DLG2: variants seen among roughly 807,000 people sequenced by gnomAD.
The protein encoded by DLG2 is disks large homolog 2.
A neutral mutation model predicts 132.5 loss-of-function variants in DLG2; 45 were observed. That is an observed-to-expected ratio of 0.34 (90% CI 0.27 to 0.44). The LOEUF (loss-of-function observed/expected upper bound fraction) is 0.44, where lower values mean the gene tolerates loss of function less well. DLG2 is among the 20% of genes least tolerant of loss of function. The pLI, the probability that DLG2 is intolerant of heterozygous loss-of-function variation, is 1.00. For synonymous variants in DLG2, 424 were observed against 419.6 expected, an observed-to-expected ratio of 1.01 and a Z score of -0.13; for missense variants, 1,045 against 1,196.9, an observed-to-expected ratio of 0.87 and a Z score of 1.87.
intron 18 of DLG2, chr11:83,643,461 G>A (rs755268053): frequency 6.6e-6 from 1 of 152,168 alleles, no homozygotes; most frequent in Non-Finnish European, 1.5e-5. Context: ...TGCATCAGAA[G>A]GAGGAACTAG....
At chr11:85,262,103 A>C (rs1308027881) in intron 4 of DLG2, among the ~76,000 whole-genome samples, 3 of 152,164 alleles carry the variant, frequency 2.0e-5, no homozygotes, top group Non-Finnish European at 2.9e-5. Flanking sequence ...AATATAAGGA[A>C]CTTCAGACCA....
chr11:84,322,106 A>G (rs996118183), intron 7 of DLG2, among the ~76,000 whole-genome samples: 2 of 152,250 alleles, frequency 1.3e-5, no homozygotes, highest in Non-Finnish European at 2.9e-5. Context: ...CAAAGTGTTT[A>G]ACCCTAATTG....
At chr11:84,453,071 C>CA (rs916346655) in intron 7 of DLG2, among the ~76,000 whole-genome samples, 27 of 147,844 alleles carry the variant, frequency 1.8e-4, no homozygotes, top group African/African-American at 3.2e-4. Flanking sequence ...TATAAATTTT[C>CA]AAAAAAAAAT....
chr11:84,257,422 C>T (rs1015357618), intron 7 of DLG2, among the ~76,000 whole-genome samples: 15 of 152,172 alleles, frequency 9.9e-5, no homozygotes, highest in African/African-American at 3.6e-4. Flanking sequence ...TATATTAATA[C>T]TGGGACAGAT....
intron 6 of DLG2, among the ~76,000 whole-genome samples, chr11:84,651,665 A>T (rs1227792830): frequency 6.6e-6 from 1 of 152,208 alleles, no homozygotes; most frequent in South Asian, 2.1e-4. Flanking sequence ...TTATGTTGAT[A>T]TGATGGCATT....
chr11:84,711,093 A>G (rs910335033), intron 6 of DLG2, among the ~76,000 whole-genome samples: 7 of 150,422 alleles, frequency 4.7e-5, no homozygotes, highest in Non-Finnish European at 1.0e-4. Flanking sequence ...GTTTTCTACT[A>G]TGGTGTCTCT....
intron 6 of DLG2, among the ~76,000 whole-genome samples, chr11:84,858,966 T>G (rs2083180111): frequency 1.3e-5 from 2 of 152,056 alleles, no homozygotes; most frequent in African/African-American, 4.8e-5. Context: ...CACTTATTGT[T>G]TAGCTATATA....
intron 6 of DLG2, 48 bp downstream of exon 6, chr11:85,111,613 A>G (rs1322920488): frequency 3.5e-6 from 5 of 1,444,360 alleles, no homozygotes; most frequent in Non-Finnish European, 4.7e-6. Flanking sequence ...TCCAAAATAT[A>G]AAAACATTTA....
Position 84,858,665 on chromosome 11 carries a change from A to C in DLG2, c.357+252996T>G, listed in dbSNP as rs569164041. ...CACATGAGACATGTTTTTGTGAATT[A>C]GACAAGTACTCAATTACTTGAGACA... On this transcript the variant is annotated intron_variant, in intron 6 of 27. Transcript: ENST00000376104. Among the ~76,000 whole-genome samples the C allele has an allele frequency of 1.4e-3, 206 of 152,262 alleles. 1 individual carries two copies. Among genetic ancestry groups the C allele is most frequent in the African/African-American group, 4.8e-3 (199 of 41,566 alleles).
intron 6 of DLG2, among the ~76,000 whole-genome samples, chr11:84,882,752 C>T (rs1307644128): frequency 6.6e-6 from 1 of 151,962 alleles, no homozygotes; most frequent in Non-Finnish European, 1.5e-5. Context: ...CCTTTTGGGG[C>T]ACCAGAATCT....
chr11:84,953,816 G>T (rs955155760), intron 6 of DLG2, among the ~76,000 whole-genome samples: 8 of 151,990 alleles, frequency 5.3e-5, no homozygotes, highest in African/African-American at 1.7e-4. Context: ...GTCTCCCCTT[G>T]TTATCCAATA....
chr11:84,662,007 T>C (rs1329948752), intron 6 of DLG2, among the ~76,000 whole-genome samples: 2 of 151,986 alleles, frequency 1.3e-5, no homozygotes, highest in Non-Finnish European at 1.5e-5. Flanking sequence ...AATTTTTTTC[T>C]CTGTAATTTC....
chr11:84,175,090 A>G lies in DLG2; in HGVS notation c.574-11579T>C, dbSNP rs940108426. Reference sequence around the variant, plus strand: ...TATGTGCTCAATATAAATTTGTTGAACAAAATTAGCAAATGAGTGCCTATA... The same window carrying G: ...TATGTGCTCAATATAAATTTGTTGAGCAAAATTAGCAAATGAGTGCCTATA... On this transcript the variant is annotated intron_variant, in intron 8 of 27. Transcript: ENST00000376104. 2.3e-4 allele frequency among the ~76,000 whole-genome samples: 35 copies of G among 152,228 alleles called. 1 individual carries two copies.
At chr11:84,146,169 T>A (rs2154245577) in intron 9 of DLG2, among the ~76,000 whole-genome samples, 1 of 152,276 alleles carries the variant, frequency 6.6e-6, no homozygotes, top group African/African-American at 2.4e-5. Flanking sequence ...CAGTAATGAG[T>A]TAAAGGAGAC....
chr11:84,548,192 T>C (rs2099394164), intron 6 of DLG2, among the ~76,000 whole-genome samples: 1 of 152,172 alleles, frequency 6.6e-6, no homozygotes, highest in African/African-American at 2.4e-5. Context: ...CTGAGTTCCC[T>C]TCTTCCTTCT....
chr11:84,500,542 C>T (rs184338327), intron 7 of DLG2, among the ~76,000 whole-genome samples: 1 of 152,306 alleles, frequency 6.6e-6, no homozygotes, highest in African/African-American at 2.4e-5. Flanking sequence ...AGCATTTTCT[C>T]ATCCTTGCAT....
At chr11:84,159,363 T>C (rs1287491313) in intron 9 of DLG2, among the ~76,000 whole-genome samples, 2 of 152,190 alleles carry the variant, frequency 1.3e-5, no homozygotes, top group Non-Finnish European at 2.9e-5. Context: ...CTAATTTAAT[T>C]ACAGTGAACA....
At chr11:84,757,269 T>G (rs2067006338) in intron 6 of DLG2, among the ~76,000 whole-genome samples, 1 of 152,184 alleles carries the variant, frequency 6.6e-6, no homozygotes, top group Admixed American at 6.5e-5. Context: ...TTATAACAAT[T>G]TGACCAAGTA....
In DLG2 at chr11:83,457,582, A is replaced by G. The variant is rs150003038; in HGVS notation, c.*2236T>C. ...AGCAACACTAGTAAATGGAAAGCAC[A>G]TCACACGACCCGCGAAAACATCTAC... On this transcript the variant is annotated 3_prime_UTR_variant, in exon 28 of 28. Transcript: ENST00000376104. 2 of 152,720 alleles carry G rather than the reference A, an allele frequency of 1.3e-5. No individual in the cohort carries two copies. The highest frequency in any genetic ancestry group is 4.8e-5 in the African/African-American group (2 of 41,586). 9.5% of individuals were successfully genotyped at this position (152,720 alleles called of 1,614,324 possible).
Sources: allele counts gnomAD v4.1 joint callset (sites outside exome capture counted in the v4.1 genomes callset), GRCh38; gene constraint gnomAD v4.1.1; transcripts MANE v1.5; gene names NCBI Gene and HGNC (gene_info 2026-07-23, HGNC 2026-07-21).